HDAC9: variants seen among roughly 807,000 people sequenced by gnomAD.
The protein encoded by HDAC9 is MEF-2 interacting transcription repressor (MITR) protein.
HDAC9 carries 41 observed loss-of-function variants against 139.4 expected under a neutral mutation model. The observed-to-expected ratio is 0.29, with a 90% CI of 0.23 to 0.38. HDAC9 has a LOEUF of 0.38. HDAC9 is among the 10% of genes least tolerant of loss of function. HDAC9 has a pLI of 1.00. For missense variants in HDAC9, 1,147 were observed against 1,297.0 expected (o/e 0.88, Z 1.78); for synonymous variants, 517 against 476.2 (o/e 1.09, Z -1.12).
At position 18,282,737 on chromosome 7, in the gene HDAC9, A is replaced by T. The variant is rs1584992190; in HGVS notation, c.25+120388A>T. Among the ~76,000 whole-genome samples, 3 of 151,662 alleles carry T rather than the reference A, an allele frequency of 2.0e-5. No homozygotes were observed. The South Asian group carries it at 6.3e-4, about 32-fold the overall frequency. ...GGAAAAATAATAAATGAGTCTGGGT[A>T]CTCCCTTCTCTTGGCCACATGGTTG... On this transcript the variant is annotated intron_variant, in intron 2 of 12. Coordinates refer to the HDAC9 transcript ENST00000417496.
At chr7:18,318,902 A>G (rs1163933878) in intron 1 of HDAC9, among the ~76,000 whole-genome samples, 1 of 152,188 alleles carries the variant, frequency 6.6e-6, no homozygotes, top group Non-Finnish European at 1.5e-5. Flanking sequence ...TTTGCTCCTC[A>G]AAGTCTCGCC....
At chr7:18,373,231 A>G (rs1262916411) in intron 1 of HDAC9, among the ~76,000 whole-genome samples, 1 of 152,192 alleles carries the variant, frequency 6.6e-6, no homozygotes, top group Non-Finnish European at 1.5e-5. Context: ...CTAGCTGAGC[A>G]CTAACGAGTA....
chr7:18,356,933 T>A (rs1160036151), intron 1 of HDAC9, among the ~76,000 whole-genome samples: 2 of 152,182 alleles, frequency 1.3e-5, no homozygotes. Flanking sequence ...TTATTTATTA[T>A]TAGTTTATGT....
At chr7:18,772,454 A>G (rs952031093) in intron 16 of HDAC9, among the ~76,000 whole-genome samples, 1 of 152,034 alleles carries the variant, frequency 6.6e-6, no homozygotes, top group African/African-American at 2.4e-5. Context: ...AGCAAGCACA[A>G]TGCCTTTTGT....
At chr7:18,088,055 A>G (rs954843052) in intron 1 of HDAC9, 3 of 152,232 alleles carry the variant, frequency 2.0e-5, no homozygotes, top group East Asian at 1.9e-4. Flanking sequence ...CTGTGCTCCA[A>G]TTTCAGGAAG....
At chr7:18,600,571 C>G (rs557599343) in intron 6 of HDAC9, among the ~76,000 whole-genome samples, 1 of 152,236 alleles carries the variant, frequency 6.6e-6, no homozygotes, top group South Asian at 2.1e-4. Context: ...GCCTTAGCTC[C>G]TTTGTCAAAG....
chr7:18,989,848 G>T (rs941580762), intron 25 of HDAC9, among the ~76,000 whole-genome samples: 1 of 145,944 alleles, frequency 6.9e-6, no homozygotes. Context: ...GATCGCATCG[G>T]CTCCTGAGGC....
intron 1 of HDAC9, among the ~76,000 whole-genome samples, chr7:18,294,222 G>C (rs114870818): frequency 0.014 from 2,138 of 152,118 alleles, 56 homozygotes; most frequent in African/African-American, 0.049. Flanking sequence ...GTCTACATTG[G>C]GAGAGAGGGT....
intron 25 of HDAC9, 73 bp from the exon 26 acceptor site, chr7:18,995,950 G>T: frequency 1.8e-6 from 2 of 1,129,126 alleles, no homozygotes; most frequent in Non-Finnish European, 2.6e-6. Flanking sequence ...AATCAGCTTT[G>T]ATTATGCATG....
chr7:18,539,369 C>T (rs1194489537), intron 2 of HDAC9, among the ~76,000 whole-genome samples: 4 of 152,050 alleles, frequency 2.6e-5, no homozygotes, highest in African/African-American at 9.7e-5. Flanking sequence ...GCATGTAGGT[C>T]ATGAAAAACA....
At chr7:18,895,158 G>A (rs1017246782) in intron 22 of HDAC9, among the ~76,000 whole-genome samples, 3 of 152,092 alleles carry the variant, frequency 2.0e-5, no homozygotes, top group Non-Finnish European at 2.9e-5. Flanking sequence ...TAACTTTAAA[G>A]TGAGACCAGT....
At chr7:18,712,691 C>T (rs1460013572) in intron 12 of HDAC9, among the ~76,000 whole-genome samples, 2 of 152,122 alleles carry the variant, frequency 1.3e-5, no homozygotes, top group East Asian at 1.9e-4. Context: ...TAAAGTTAAG[C>T]TTGCCAATAA....
chr7:18,250,934 C>T (rs1015744354), intron 2 of HDAC9, among the ~76,000 whole-genome samples: 5 of 151,960 alleles, frequency 3.3e-5, no homozygotes, highest in Non-Finnish European at 4.4e-5. Context: ...TGAAAAGTGT[C>T]TGTTCATGTC....
chr7:18,527,484 GT>G (rs1563155574), intron 2 of HDAC9, among the ~76,000 whole-genome samples: 1 of 152,126 alleles, frequency 6.6e-6, no homozygotes, highest in Non-Finnish European at 1.5e-5. Flanking sequence ...TGAACGATAT[GT>G]TGTGGCTCAA....
At chr7:18,966,421 G>T (rs774163853) in intron 24 of HDAC9, among the ~76,000 whole-genome samples, 5 of 152,214 alleles carry the variant, frequency 3.3e-5, no homozygotes, top group Non-Finnish European at 7.3e-5. Context: ...AGAGTTAGGG[G>T]TCGGGAGCCG....
At chr7:18,471,031 A>C (rs1794683054) in intron 1 of HDAC9, among the ~76,000 whole-genome samples, 1 of 151,826 alleles carries the variant, frequency 6.6e-6, no homozygotes, top group African/African-American at 2.4e-5. Flanking sequence ...ATTTTGAACT[A>C]TATTTATGGA....
chr7:18,565,177 G>A (rs6958369), intron 2 of HDAC9, among the ~76,000 whole-genome samples: 33,064 of 151,804 alleles, frequency 0.22, 4,269 homozygotes, highest in African/African-American at 0.37. Context: ...TGTATTTTTA[G>A]TACAGACGGG....
At chr7:18,352,803 T>C (rs1222515233) in intron 1 of HDAC9, among the ~76,000 whole-genome samples, 1 of 152,118 alleles carries the variant, frequency 6.6e-6, no homozygotes, top group African/African-American at 2.4e-5. Context: ...GTTCAGATAC[T>C]TGTGAACCTC....
intron 1 of HDAC9, among the ~76,000 whole-genome samples, chr7:18,391,002 T>C (rs1457519351): frequency 6.6e-6 from 1 of 151,084 alleles, no homozygotes; most frequent in African/African-American, 2.4e-5. Flanking sequence ...GGTGGGAGAG[T>C]TGCTTGAACC....
Sources: allele counts gnomAD v4.1 joint callset (sites outside exome capture counted in the v4.1 genomes callset), GRCh38; gene constraint gnomAD v4.1.1; transcripts MANE v1.5; gene names NCBI Gene and HGNC (gene_info 2026-07-23, HGNC 2026-07-21).